Variants in NFAM1 observed in about 807,000 individuals in gnomAD.
NFAM1 encodes the protein NFAT activation molecule 1.
A neutral mutation model predicts 29.0 loss-of-function variants in NFAM1; 17 were observed. The observed-to-expected ratio is 0.59, with a 90% CI of 0.40 to 0.88. NFAM1 has a LOEUF of 0.88. Ranked by LOEUF, NFAM1 falls within the 40% of genes least tolerant of loss-of-function variation. The pLI is 0.00. For missense variants in NFAM1, 324 were observed against 344.6 expected, an observed-to-expected ratio of 0.94 and a Z score of 0.47; for synonymous variants, 175 against 147.2, an observed-to-expected ratio of 1.19 and a Z score of -1.36.
chr22:42,410,126 A>G (rs887674455), intron 2 of NFAM1, among the ~76,000 whole-genome samples: 1 of 152,182 alleles, frequency 6.6e-6, no homozygotes, highest in African/African-American at 2.4e-5. Flanking sequence ...ATTGTCAGCC[A>G]CCAGCCCATA....
intron 3 of NFAM1, among the ~76,000 whole-genome samples, chr22:42,398,758 T>C (rs1929623179): frequency 6.6e-6 from 1 of 152,150 alleles, no homozygotes; most frequent in Non-Finnish European, 1.5e-5. Context: ...GTGAGACTGA[T>C]GCAAAGTTAC....
intron 2 of NFAM1, among the ~76,000 whole-genome samples, chr22:42,411,018 T>TC: frequency 8.3e-6 from 1 of 120,302 alleles, no homozygotes; most frequent in East Asian, 2.1e-4. Flanking sequence ...TCTTTTCTTT[T>TC]CTTTTTTTTT....
At chr22:42,393,412 A>AT (rs1929411687) in intron 4 of NFAM1, among the ~76,000 whole-genome samples, 2 of 151,474 alleles carry the variant, frequency 1.3e-5, no homozygotes, top group South Asian at 4.2e-4. Context: ...TATTTATTTT[A>AT]TTTTTTATTT....
chr22:42,403,821 G>A (rs79914142), intron 3 of NFAM1, among the ~76,000 whole-genome samples: 4,249 of 152,284 alleles, frequency 0.028, 195 homozygotes, highest in African/African-American at 0.099. Context: ...CAGATGACGA[G>A]GGCAGAGGCA....
At chr22:42,397,728 T>C (rs554610500) in intron 4 of NFAM1, 130 bp downstream of exon 4, 22 of 652,210 alleles carry the variant, frequency 3.4e-5, no homozygotes, top group African/African-American at 3.3e-4. Context: ...CCCCATTTTA[T>C]AGATGAGGAA....
At chr22:42,431,200 G>A (rs1267675394) in intron 1 of NFAM1, among the ~76,000 whole-genome samples, 1 of 152,194 alleles carries the variant, frequency 6.6e-6, no homozygotes, top group African/African-American at 2.4e-5. Context: ...TGGCTTCCCT[G>A]GGCCTCCTTT....
intron 1 of NFAM1, among the ~76,000 whole-genome samples, chr22:42,426,526 C>T (rs1930628144): frequency 1.3e-5 from 2 of 152,344 alleles, no homozygotes; most frequent in South Asian, 4.1e-4. Flanking sequence ...TGCAGCCCCT[C>T]CTCTGTGCTT....
intron 4 of NFAM1, 125 bp downstream of exon 4, chr22:42,397,733 G>A: frequency 6.1e-6 from 4 of 661,114 alleles, no homozygotes; most frequent in Non-Finnish European, 1.1e-5. Context: ...TTTTATAGAT[G>A]AGGAACTTGA....
intron 1 of NFAM1, among the ~76,000 whole-genome samples, chr22:42,423,118 A>AG: frequency 6.6e-6 from 1 of 150,912 alleles, no homozygotes; most frequent in Non-Finnish European, 1.5e-5. Flanking sequence ...ATCTCAAAAA[A>AG]AAAAAAAAAA....
chr22:42,424,509 C>T (rs560935617), intron 1 of NFAM1, among the ~76,000 whole-genome samples: 1 of 152,192 alleles, frequency 6.6e-6, no homozygotes, highest in African/African-American at 2.4e-5. Flanking sequence ...GCAAGCCGAA[C>T]TTGTTCAGCT....
intron 1 of NFAM1, among the ~76,000 whole-genome samples, chr22:42,426,174 G>A (rs1930615172): frequency 6.6e-6 from 1 of 152,188 alleles, no homozygotes; most frequent in Admixed American, 6.5e-5. Context: ...AGGCACCCAG[G>A]AAGAAGGGGT....
chr22:42,394,376 A>T lies in NFAM1; in HGVS notation c.663+3482T>A, dbSNP rs904670818. Among the ~76,000 whole-genome samples the T allele has an allele frequency of 3.2e-4, 49 of 151,766 alleles. 2 individuals carry two copies. Among genetic ancestry groups the T allele is most frequent in the Admixed American group, 2.0e-4 (3 of 15,232 alleles). On this transcript the variant is annotated intron_variant, in intron 4 of 5. Transcript: ENST00000329021. Reference sequence around the variant, plus strand: ...TTGATCCTTATTAATTTAAAAAAAAATTTTAATGGGGTCTTGCTATGTTGC... The same window carrying T: ...TTGATCCTTATTAATTTAAAAAAAATTTTTAATGGGGTCTTGCTATGTTGC...
In NFAM1 at chr22:42,425,918, G is replaced by A. The variant is rs749354859; in HGVS notation, c.121+6319C>T. On this transcript the variant is annotated intron_variant, in intron 1 of 5. Coordinates refer to ENST00000329021, the MANE Select transcript of NFAM1 (RefSeq NM_145912.8). ...ACAGATGAACACCTTGGGGGAGAGG[G>A]AGGGGAACTGGGTTTGTTCAGGGTG... 3.9e-4 allele frequency among the ~76,000 whole-genome samples: 60 copies of A among 152,242 alleles called. No individual in the cohort carries two copies. In the Middle Eastern group the frequency reaches 0.031, roughly 78 times the overall value.
intron 3 of NFAM1, among the ~76,000 whole-genome samples, chr22:42,405,925 A>G (rs1196475540): frequency 6.6e-6 from 1 of 152,288 alleles, no homozygotes; most frequent in Admixed American, 6.5e-5. Flanking sequence ...CAGGAAATGC[A>G]GCCCCTGGGG....
chr22:42,383,406 C>G lies in NFAM1; in HGVS notation c.*1755G>C, dbSNP rs985259860. 1.3e-5 allele frequency: 2 copies of G among 152,782 alleles called. No individual in the cohort carries two copies. Among genetic ancestry groups the G allele is most frequent in the African/African-American group, 4.8e-5 (2 of 41,466 alleles). 9.5% of individuals were successfully genotyped at this position (152,782 alleles called of 1,614,324 possible). A position where few individuals can be genotyped will look rare whatever the true frequency, so the allele number is the denominator to read the frequency against. ...CCCTGTGCACACCTGGCAGCTTCAC[C>G]TCCCCAAACAGGCCCGGAGTTCATT... On this transcript the variant is annotated 3_prime_UTR_variant, in exon 6 of 6. Transcript: ENST00000329021.
chr22:42,424,025 T>C (rs189588962), intron 1 of NFAM1, among the ~76,000 whole-genome samples: 1 of 152,214 alleles, frequency 6.6e-6, no homozygotes, highest in African/African-American at 2.4e-5. Context: ...CAAACTCCTG[T>C]TCACTGAGGC....
chr22:42,398,342 G>A (rs1253438837), intron 3 of NFAM1, among the ~76,000 whole-genome samples: 5 of 148,360 alleles, frequency 3.4e-5, no homozygotes, highest in African/African-American at 1.0e-4. Flanking sequence ...CACTGGCTCT[G>A]GCCTCGAGCG....
chr22:42,402,269 G>T (rs1365820665), intron 3 of NFAM1, among the ~76,000 whole-genome samples: 1 of 152,224 alleles, frequency 6.6e-6, no homozygotes, highest in Admixed American at 6.5e-5. Context: ...AGCATCTGGA[G>T]CACGTGTGCT....
In NFAM1 at chr22:42,409,526, G is replaced by C; in HGVS notation, c.473C>G (p.Pro158Arg). 2 of 1,540,128 alleles carry C rather than the reference G, an allele frequency of 1.3e-6. No homozygotes were observed. The highest frequency in any genetic ancestry group is 2.8e-5 in the African/African-American group (2 of 71,394). Residue 158 changes from proline (P) to arginine (R), a missense_variant, in exon 3 of 6, where the codon CCG (proline) becomes CGG (arginine). Transcript: ENST00000329021. The surrounding 1 kb of genome is among the most constrained non-coding windows in gnomAD (Gnocchi z 4.9). The part of the protein sequence containing the change: ...LVRDAGYREP[P>R]QSPQKLLLFG... ...GAGCAGGAGCTTCTGTGGACTCTGC[G>C]GGGGCTCTCGGTACCCTGCGTCTAG...
Sources: gnomAD v4.1 joint callset for allele counts (sites outside exome capture counted in the v4.1 genomes callset) on GRCh38, gnomAD v4.1.1 for gene constraint, Gnocchi (gnomAD v3.1) non-coding constraint, MANE v1.5 for transcripts, NCBI Gene and HGNC (gene_info 2026-07-23, HGNC 2026-07-21) for gene names.